The following PDLIM1 variants were observed in gnomAD, a reference collection of about 807,000 sequenced individuals.
PDLIM1 encodes the protein PDZ and LIM domain protein 1.
A neutral mutation model predicts 35.2 loss-of-function variants in PDLIM1; 25 were observed. The observed-to-expected ratio is 0.71, with a 90% CI of 0.52 to 0.99. PDLIM1 has a LOEUF of 0.99. PDLIM1 is among the 50% of genes least tolerant of loss of function. The pLI, the probability that PDLIM1 is intolerant of heterozygous loss-of-function variation, is 0.00. For synonymous variants in PDLIM1, 152 were observed against 154.0 expected (o/e 0.99, Z 0.10); for missense variants, 363 against 415.3 (o/e 0.87, Z 1.09).
At chr10:95,265,220 A>G (rs1324059587) in intron 3 of PDLIM1, among the ~76,000 whole-genome samples, 1 of 152,238 alleles carries the variant, frequency 6.6e-6, no homozygotes, top group Non-Finnish European at 1.5e-5. Flanking sequence ...TTAAAAAAAA[A>G]AAATCATGAA....
At chr10:95,289,394 G>A (rs565059012) in intron 1 of PDLIM1, among the ~76,000 whole-genome samples, 28 of 152,318 alleles carry the variant, frequency 1.8e-4, no homozygotes, top group African/African-American at 6.3e-4. Flanking sequence ...TGGCTGGAAA[G>A]GCAGTGTGTA....
At chr10:95,289,196 C>T (rs570011857) in intron 1 of PDLIM1, among the ~76,000 whole-genome samples, 1 of 152,190 alleles carries the variant, frequency 6.6e-6, no homozygotes, top group Non-Finnish European at 1.5e-5. Context: ...ATTATAGACA[C>T]AAAGAACAGG....
chr10:95,259,357 G>A (rs1215038847), intron 4 of PDLIM1, among the ~76,000 whole-genome samples: 1 of 152,132 alleles, frequency 6.6e-6, no homozygotes, highest in Non-Finnish European at 1.5e-5. Flanking sequence ...TTTTATGTAG[G>A]TGGGGGAAAG....
intron 1 of PDLIM1, chr10:95,273,396 T>G (rs969659289): frequency 1.3e-5 from 2 of 152,158 alleles, no homozygotes; most frequent in African/African-American, 4.8e-5. Flanking sequence ...CTGATGCAGT[T>G]TTCAGCAGCT....
chr10:95,251,032 G>A (rs1389467125), intron 4 of PDLIM1, among the ~76,000 whole-genome samples: 1 of 152,144 alleles, frequency 6.6e-6, no homozygotes, highest in Non-Finnish European at 1.5e-5. Context: ...CCCAGAGGAG[G>A]ATTTTGGAGG....
chr10:95,271,896 C>T, intron 1 of PDLIM1, 112 bp from the exon 2 acceptor site: 1 of 898,058 alleles, frequency 1.1e-6, no homozygotes, highest in Admixed American at 2.9e-5. Flanking sequence ...GAAAAGAGGG[C>T]TGAAATCATA....
At chr10:95,280,727 A>G (rs2035554426) in intron 1 of PDLIM1, among the ~76,000 whole-genome samples, 1 of 152,166 alleles carries the variant, frequency 6.6e-6, no homozygotes, top group Non-Finnish European at 1.5e-5. Flanking sequence ...AACCGTGTCT[A>G]TTCAGAAGGC....
chr10:95,243,818 C>T (rs2035197411), intron 5 of PDLIM1, among the ~76,000 whole-genome samples: 2 of 151,956 alleles, frequency 1.3e-5, no homozygotes, highest in South Asian at 2.1e-4. Flanking sequence ...GGATGAACCC[C>T]GAGGATATTA....
At chr10:95,245,542 T>C (rs1233527901) in intron 5 of PDLIM1, among the ~76,000 whole-genome samples, 1 of 152,194 alleles carries the variant, frequency 6.6e-6, no homozygotes, top group Non-Finnish European at 1.5e-5. Flanking sequence ...GGGTTTCACA[T>C]CCACGTAAGA....
chr10:95,263,158 A>AG (rs1335820852), intron 4 of PDLIM1, among the ~76,000 whole-genome samples: 1 of 151,470 alleles, frequency 6.6e-6, no homozygotes, highest in Non-Finnish European at 1.5e-5. Context: ...AAAAAAAAAA[A>AG]AAGACTCAAA....
intron 1 of PDLIM1, among the ~76,000 whole-genome samples, chr10:95,285,137 G>C (rs2035592069): frequency 6.6e-6 from 1 of 152,120 alleles, no homozygotes; most frequent in Non-Finnish European, 1.5e-5. Flanking sequence ...CCACTCCTCT[G>C]CTCTTGTTCT....
At chr10:95,256,594 AAG>A (rs1387706246) in intron 4 of PDLIM1, among the ~76,000 whole-genome samples, 2 of 152,234 alleles carry the variant, frequency 1.3e-5, no homozygotes, top group Non-Finnish European at 2.9e-5. Context: ...ACAATGGTTA[AAG>A]AATAATTTCT....
At chr10:95,262,004 G>A (rs1192859845) in intron 4 of PDLIM1, among the ~76,000 whole-genome samples, 6 of 132,004 alleles carry the variant, frequency 4.5e-5, no homozygotes, top group African/African-American at 8.1e-5. Context: ...GTGAAACTCC[G>A]TCTCAAAAAA....
At chr10:95,267,069 G>A (rs2035423083) in intron 3 of PDLIM1, among the ~76,000 whole-genome samples, 1 of 152,216 alleles carries the variant, frequency 6.6e-6, no homozygotes, top group Non-Finnish European at 1.5e-5. Flanking sequence ...GTAAAAGACT[G>A]GAAAAATGAT....
At position 95,238,626 on chromosome 10, in the gene PDLIM1, CA is replaced by C; in HGVS notation, c.744del (p.Ala249ArgfsTer24). On this transcript the variant is annotated frameshift_variant, in exon 6 of 7. Coordinates refer to ENST00000329399, the MANE Select transcript of PDLIM1 (RefSeq NM_020992.4). LOFTEE classifies it high-confidence loss of function. ...RSVKAPVTKV[A>X]ASIGNAQKLP... ...AACTTCTGAGCATTTCCAATCGACG[CA>C]GCCACTTTAGTGACAGGAGCTTTAA... 6.2e-7 allele frequency: 1 copy of C among 1,614,134 alleles called. No individual in the cohort carries two copies. Among genetic ancestry groups the C allele is most frequent in the Non-Finnish European group, 8.5e-7 (1 of 1,179,974 alleles).
chr10:95,243,444 G>A (rs1200421953), intron 5 of PDLIM1, among the ~76,000 whole-genome samples: 1 of 152,112 alleles, frequency 6.6e-6, no homozygotes, highest in African/African-American at 2.4e-5. Flanking sequence ...CTGTTTTTCT[G>A]TCCACTTCAC....
chr10:95,263,795 G>A (rs4917682), intron 4 of PDLIM1, 69 bp downstream of exon 4: 806,311 of 1,231,780 alleles, frequency 0.65, 272,350 homozygotes, highest in Non-Finnish European at 0.7. Context: ...ACCTGCCTGG[G>A]CAGCCCTGGT....
intron 1 of PDLIM1, among the ~76,000 whole-genome samples, chr10:95,279,660 G>T (rs1019877689): frequency 2.6e-5 from 4 of 152,296 alleles, no homozygotes; most frequent in Non-Finnish European, 5.9e-5. Flanking sequence ...ATTACTCAGG[G>T]GAGCAAAACG....
At chr10:95,288,028 G>A (rs1027122591) in intron 1 of PDLIM1, among the ~76,000 whole-genome samples, 1 of 152,078 alleles carries the variant, frequency 6.6e-6, no homozygotes, top group African/African-American at 2.4e-5. Flanking sequence ...GCAAGGAAGG[G>A]ATTACCATAG....
Sources: gnomAD v4.1 joint callset for allele counts (sites outside exome capture counted in the v4.1 genomes callset) on GRCh38, gnomAD v4.1.1 for gene constraint, MANE v1.5 for transcripts, NCBI Gene and HGNC (gene_info 2026-07-23, HGNC 2026-07-21) for gene names.